Variants in SLC12A3 observed in about 807,000 individuals in gnomAD.
The protein encoded by SLC12A3 is solute carrier family 12 member 3.
Under a neutral mutation model 121.0 loss-of-function variants are expected in SLC12A3, and 104 were observed. The observed-to-expected ratio is 0.86, with a 90% CI of 0.73 to 1.01. The LOEUF (loss-of-function observed/expected upper bound fraction) is 1.01, where lower values mean the gene tolerates loss of function less well. SLC12A3 is among the 50% of genes least tolerant of loss of function. The probability of loss-of-function intolerance (pLI) is 0.00; values close to 1 mark genes in which losing one functional copy is unlikely to be tolerated. For synonymous variants in SLC12A3, 536 were observed against 533.4 expected (o/e 1.00, Z -0.07); for missense variants, 1,328 against 1,356.3 (o/e 0.98, Z 0.33).
chr16:56,872,213 C>T (rs1432669237), intron 6 of SLC12A3, 138 bp from the exon 7 acceptor site: 2 of 691,312 alleles, frequency 2.9e-6, no homozygotes, highest in East Asian at 5.4e-5. Context: ...TTGAACAGAT[C>T]CTGCTGCATA....
rs1312576919 is a variant in SLC12A3 at position 56,886,359 on chromosome 16, C to T, written c.1926-5C>T. 3 of 1,610,364 alleles carry T rather than the reference C, an allele frequency of 1.9e-6. No homozygotes were observed. The highest frequency in any genetic ancestry group is 2.2e-5 in the South Asian group (2 of 91,010). On this transcript the variant is annotated splice_region_variant and splice_polypyrimidine_tract_variant and intron_variant, in intron 15 of 25. Coordinates refer to ENST00000563236, the MANE Select transcript of SLC12A3 (RefSeq NM_001126108.2). ...GGCTCCTGCCCTTTTCCCTTCCCTC[C>T]TCAGCCCCCAGTGCCTGGTGCTCAC... is the stretch of plus-strand genomic sequence containing the variant.
At chr16:56,879,021 A>G in intron 9 of SLC12A3, 52 bp from the exon 10 acceptor site, 1 of 1,564,568 alleles carries the variant, frequency 6.4e-7, no homozygotes, top group Non-Finnish European at 8.7e-7. Context: ...CTGGAAGAGG[A>G]CAGAGTAAGG....
At chr16:56,878,045 T>A in intron 8 of SLC12A3, 32 bp from the exon 9 acceptor site, 5 of 339,134 alleles carry the variant, frequency 1.5e-5, no homozygotes, top group East Asian at 7.6e-5. Flanking sequence ...TCTCCCTCCC[T>A]CCCTCCCTCC....
intron 24 of SLC12A3, 23 bp downstream of exon 24, chr16:56,902,531 G>GTGGGGGGGGGGGGGGGC: frequency 1.4e-6 from 1 of 714,568 alleles, no homozygotes; most frequent in Non-Finnish European, 2.4e-6. Context: ...GTGGGGGTGG[G>GTGGGGGGGGGGGGGGGC]AAACGCGACA....
rs201278704 is a variant in SLC12A3, at chr16:56,880,148, C to T, written c.1462C>T (p.Leu488=). The T allele has an allele frequency of 9.3e-6, 15 of 1,607,192 alleles. No individual in the cohort carries two copies. The highest frequency in any genetic ancestry group is 2.7e-5 in the African/African-American group (2 of 75,004). The change falls in exon 12 of 26, where the codon CTG becomes TTG. Residue 488 remains leucine (L), a synonymous_variant. Transcript: ENST00000563236. ...KVFQCLCEDQ[L]YPLIGFFGKG... is the part of the protein sequence containing the mutation. ...GCTGCAGTGCCTTTGCGAGGACCAG[C>T]TGTACCCACTGATCGGCTTCTTCGG...
chr16:56,890,235 G>C (rs767422586), intron 18 of SLC12A3, 39 bp from the exon 19 acceptor site: 59 of 1,505,206 alleles, frequency 3.9e-5, no homozygotes, highest in Non-Finnish European at 4.9e-5. Flanking sequence ...CCCAGTGGGA[G>C]CTGGGGGAGA....
At chr16:56,888,549 ATTTTTTTTTT>A (rs749206626) in intron 18 of SLC12A3, among the ~76,000 whole-genome samples, 11 of 85,918 alleles carry the variant, frequency 1.3e-4, no homozygotes, top group Non-Finnish European at 1.7e-4. Context: ...AGATCTTTTA[ATTTTTTTTTT>A]TTTTTTTTTT....
At chr16:56,891,341 C>T (rs550511109) in intron 19 of SLC12A3, among the ~76,000 whole-genome samples, 1 of 138,658 alleles carries the variant, frequency 7.2e-6, no homozygotes, top group South Asian at 2.3e-4. Context: ...CACTGCACTC[C>T]AGCCTGGCTG....
At chr16:56,887,798 A>ATATATATATATATATAAATATAT (rs1433682477) in intron 17 of SLC12A3, 127 bp from the exon 18 acceptor site, 1 of 68,456 alleles carries the variant, frequency 1.5e-5, no homozygotes, top group Non-Finnish European at 2.9e-5. Context: ...ATATATATAT[A>ATATATATATATATATAAATATAT]TTTTTTTTTT....
At chr16:56,913,173 C>A in intron 25 of SLC12A3, 91 bp from the exon 26 acceptor site, 1 of 1,562,508 alleles carries the variant, frequency 6.4e-7, no homozygotes, top group Non-Finnish European at 8.8e-7. Flanking sequence ...GGACGGTAAA[C>A]AGACTCGCTG....
intron 17 of SLC12A3, 120 bp from the exon 18 acceptor site, chr16:56,887,790 ATATATATATTTTTTT>A: frequency 2.7e-5 from 3 of 110,098 alleles, no homozygotes; most frequent in East Asian, 2.1e-4. Flanking sequence ...ATATATATAT[ATATATATATTTTTTT>A]TTTTTTTTTT....
intron 22 of SLC12A3, among the ~76,000 whole-genome samples, chr16:56,895,035 A>G (rs774228376): frequency 6.6e-6 from 1 of 151,570 alleles, no homozygotes; most frequent in Non-Finnish European, 1.5e-5. Flanking sequence ...AAAAGATAAA[A>G]AGAAAAACAA....
intron 25 of SLC12A3, among the ~76,000 whole-genome samples, chr16:56,907,301 CA>C (rs2055621034): frequency 6.6e-6 from 1 of 152,006 alleles, no homozygotes; most frequent in Non-Finnish European, 1.5e-5. Context: ...ACTAAAAATA[CA>C]AAAAAATTAG....
At chr16:56,886,671 G>GGGGCACCCAGCC (rs1280981541) in intron 16 of SLC12A3, among the ~76,000 whole-genome samples, 196 bp downstream of exon 16, 1 of 152,128 alleles carries the variant, frequency 6.6e-6, no homozygotes, top group Non-Finnish European at 1.5e-5. Flanking sequence ...TGCGGAGCAA[G>GGGGCACCCAGCC]GGGCACCCAG....
Position 56,879,247 on chromosome 16 carries a change from C to G in SLC12A3, c.1335+20C>G. The G allele has an allele frequency of 6.2e-7, 1 of 1,613,570 alleles. No individual in the cohort carries two copies. The highest frequency in any genetic ancestry group is 8.5e-7 in the Non-Finnish European group (1 of 1,179,956). The stretch of plus-strand genomic sequence containing the variant: ...TACCAGGTACTGCCAGGAGAGCTGA[C>G]CCACCAGACACAGTGGGGGCTGGGT... On this transcript the variant is annotated intron_variant, in intron 10 of 25. Coordinates refer to ENST00000563236, the MANE Select transcript of SLC12A3 (RefSeq NM_001126108.2).
At chr16:56,904,562 T>C in intron 25 of SLC12A3, 100 bp downstream of exon 25, 1 of 1,150,268 alleles carries the variant, frequency 8.7e-7, no homozygotes, top group Non-Finnish European at 1.3e-6. Flanking sequence ...GGCCCAAGCC[T>C]TCCCCTAGGA....
intron 9 of SLC12A3, 152 bp from the exon 10 acceptor site, chr16:56,878,921 C>T (rs1364083589): frequency 3.8e-5 from 36 of 957,340 alleles, no homozygotes; most frequent in Non-Finnish European, 5.0e-5. Flanking sequence ...ATCATGGCTC[C>T]GGGCACACCT....
chr16:56,905,458 G>T (rs1342850311), intron 25 of SLC12A3, among the ~76,000 whole-genome samples: 1 of 152,004 alleles, frequency 6.6e-6, no homozygotes, highest in Non-Finnish European at 1.5e-5. Context: ...TACATTTCCT[G>T]GGGGCCAACC....
chr16:56,894,522 C>A lies in SLC12A3; in HGVS notation c.2522-9C>A, dbSNP rs772929956. 1 of 1,604,934 alleles carries A rather than the reference C, an allele frequency of 6.2e-7. No individual in the cohort carries two copies. The highest frequency in any genetic ancestry group is 8.5e-7 in the Non-Finnish European group (1 of 1,172,932). On this transcript the variant is annotated splice_polypyrimidine_tract_variant and intron_variant, in intron 21 of 25. Coordinates refer to ENST00000563236, the MANE Select transcript of SLC12A3 (RefSeq NM_001126108.2). Reference sequence around the variant, plus strand: ...TCTTGTCATGACTCACGGGGACTCTCCTTGCCAGGCCTCACCCTCCTCATT... The same window carrying A: ...TCTTGTCATGACTCACGGGGACTCTACTTGCCAGGCCTCACCCTCCTCATT...
Sources: allele counts gnomAD v4.1 joint callset (sites outside exome capture counted in the v4.1 genomes callset), GRCh38; gene constraint gnomAD v4.1.1; transcripts MANE v1.5; gene names NCBI Gene and HGNC (gene_info 2026-07-23, HGNC 2026-07-21).